SPAG16: variants seen among roughly 807,000 people sequenced by gnomAD.
SPAG16 encodes the protein sperm-associated antigen 16 protein.
SPAG16 carries 86 observed loss-of-function variants against 80.4 expected under a neutral mutation model. The observed-to-expected ratio is 1.07, with a 90% CI of 0.90 to 1.28. The LOEUF (loss-of-function observed/expected upper bound fraction) is 1.28. Among genes scored for constraint, SPAG16 ranks in the 50% most tolerant of loss-of-function variants. The pLI, the probability that SPAG16 is intolerant of heterozygous loss-of-function variation, is 0.00. For missense variants in SPAG16, 870 were observed against 765.3 expected (o/e 1.14, Z -1.61); for synonymous variants, 294 against 265.9 (o/e 1.11, Z -1.03).
At chr2:213,483,143 A>G (rs2073831387) in intron 9 of SPAG16, among the ~76,000 whole-genome samples, 1 of 152,138 alleles carries the variant, frequency 6.6e-6, no homozygotes, top group Non-Finnish European at 1.5e-5. Context: ...ATAACTAAAT[A>G]ATGTTTCATC....
chr2:214,329,718 T>C (rs926933804), intron 15 of SPAG16, among the ~76,000 whole-genome samples: 3 of 152,202 alleles, frequency 2.0e-5, no homozygotes, highest in African/African-American at 7.2e-5. Context: ...TTAGTTTCTG[T>C]TGAAGCCCTA....
intron 10 of SPAG16, among the ~76,000 whole-genome samples, chr2:213,828,625 T>C (rs567481294): frequency 6.6e-6 from 1 of 152,290 alleles, no homozygotes; most frequent in South Asian, 2.1e-4. Context: ...GTATTTATTA[T>C]CGTTTTCACA....
intron 10 of SPAG16, among the ~76,000 whole-genome samples, chr2:213,748,463 GA>G (rs552530581): frequency 3.3e-5 from 5 of 151,030 alleles, no homozygotes; most frequent in Admixed American, 6.6e-5. Context: ...TTATTAAGTT[GA>G]AAAAAAATGA....
At chr2:213,527,615 G>A (rs1374097675) in intron 10 of SPAG16, among the ~76,000 whole-genome samples, 1 of 152,078 alleles carries the variant, frequency 6.6e-6, no homozygotes, top group Non-Finnish European at 1.5e-5. Flanking sequence ...ATCAAATATG[G>A]CAGAGTGAAG....
intron 15 of SPAG16, among the ~76,000 whole-genome samples, chr2:214,298,899 ACT>A (rs1201538620): frequency 1.3e-5 from 2 of 152,136 alleles, no homozygotes. Flanking sequence ...TCAGGTAGTA[ACT>A]CTAAATATTT....
chr2:214,341,081 C>A (rs1458358720), intron 15 of SPAG16, among the ~76,000 whole-genome samples: 2 of 152,056 alleles, frequency 1.3e-5, no homozygotes, highest in African/African-American at 4.8e-5. Flanking sequence ...TGGTGTCCCC[C>A]AAAAAATTTT....
At chr2:213,965,067 C>T (rs1436105758) in intron 12 of SPAG16, among the ~76,000 whole-genome samples, 7 of 152,164 alleles carry the variant, frequency 4.6e-5, no homozygotes, top group Non-Finnish European at 8.8e-5. Context: ...ATTGATTCTC[C>T]TTCCCCTACC....
chr2:214,013,213 G>T (rs1004991374), intron 12 of SPAG16, among the ~76,000 whole-genome samples: 5 of 147,252 alleles, frequency 3.4e-5, no homozygotes, highest in Non-Finnish European at 3.0e-5. Flanking sequence ...GTAATTAATC[G>T]GTGCATTAAT....
rs551872959 is a variant in SPAG16, at chr2:213,832,100, T to A, written c.1071-30385T>A. ...CAACCTCCTTCCCCCCGGGTTCAAGTGGTTCTCCTGCCTCAGCCTCGTGAG... is the reference window on the plus strand; with the variant it reads ...CAACCTCCTTCCCCCCGGGTTCAAGAGGTTCTCCTGCCTCAGCCTCGTGAG... On this transcript the variant is annotated intron_variant, in intron 10 of 15. Coordinates refer to ENST00000331683, the MANE Select transcript of SPAG16 (RefSeq NM_024532.5). Among the ~76,000 whole-genome samples the A allele has an allele frequency of 7.2e-5, 11 of 152,102 alleles. 1 individual carries two copies. The South Asian group carries it at 2.3e-3, about 32-fold the overall frequency.
At chr2:213,863,918 C>T (rs568789883) in intron 11 of SPAG16, among the ~76,000 whole-genome samples, 18 of 152,176 alleles carry the variant, frequency 1.2e-4, no homozygotes, top group African/African-American at 3.9e-4. Context: ...CACTTTCTTA[C>T]GGCAGAATTG....
intron 15 of SPAG16, among the ~76,000 whole-genome samples, chr2:214,175,481 G>C (rs2057048654): frequency 3.3e-5 from 5 of 151,044 alleles, no homozygotes. Flanking sequence ...TTCCATTCAA[G>C]ATTTGAATTA....
At chr2:214,285,423 T>A (rs1347337262) in intron 15 of SPAG16, among the ~76,000 whole-genome samples, 1 of 152,176 alleles carries the variant, frequency 6.6e-6, no homozygotes, top group Admixed American at 6.5e-5. Flanking sequence ...TTTTTCCCAA[T>A]CCATGAGTTT....
rs1025616999 is a variant in SPAG16 at position 213,611,195 on chromosome 2, G to A, written c.1070+121105G>A. ...TTGTCCCTCCCACCTTAATAAATTT[G>A]TGTGCCATTTCTCCCATTAATTTCC... On this transcript the variant is annotated intron_variant, in intron 10 of 15. Coordinates refer to ENST00000331683, the MANE Select transcript of SPAG16 (RefSeq NM_024532.5). Among the ~76,000 whole-genome samples, 3 of 152,134 alleles carry A rather than the reference G, an allele frequency of 2.0e-5. No individual in the cohort carries two copies. The South Asian group carries it at 6.2e-4, about 31-fold the overall frequency.
intron 10 of SPAG16, among the ~76,000 whole-genome samples, chr2:213,594,373 G>A (rs2060813842): frequency 6.6e-6 from 1 of 152,130 alleles, no homozygotes; most frequent in Non-Finnish European, 1.5e-5. Flanking sequence ...GGTAGATAAG[G>A]TCCTCTGTGA....
Position 214,247,612 on chromosome 2 carries a change from T to G in SPAG16, c.1720+98346T>G, listed in dbSNP as rs951912794. Among the ~76,000 whole-genome samples the G allele has an allele frequency of 2.2e-4, 33 of 152,206 alleles. 1 individual carries two copies. Among genetic ancestry groups the G allele is most frequent in the Admixed American group, 2.0e-3 (30 of 15,280 alleles). On this transcript the variant is annotated intron_variant, in intron 15 of 15. Coordinates refer to ENST00000331683, the MANE Select transcript of SPAG16 (RefSeq NM_024532.5). ...ATAAAAGTTTATAGTTTGAGATGCTTCTTCTACTCCAAGGTCAACACACTC... is the reference window on the plus strand; with the variant it reads ...ATAAAAGTTTATAGTTTGAGATGCTGCTTCTACTCCAAGGTCAACACACTC...
chr2:213,912,137 C>T (rs1422294252), intron 11 of SPAG16, among the ~76,000 whole-genome samples: 1 of 151,812 alleles, frequency 6.6e-6, no homozygotes, highest in Admixed American at 6.6e-5. Context: ...ATTTGTTTTC[C>T]TTGCTTATTT....
intron 9 of SPAG16, among the ~76,000 whole-genome samples, chr2:213,376,512 C>G (rs971889796): frequency 1.3e-5 from 2 of 151,920 alleles, no homozygotes; most frequent in African/African-American, 4.8e-5. Context: ...GTGAATCCTT[C>G]TCACCTTCAC....
chr2:214,016,914 A>G (rs73987132), intron 13 of SPAG16, among the ~76,000 whole-genome samples: 11,423 of 152,232 alleles, frequency 0.075, 455 homozygotes, highest in South Asian at 0.11. Context: ...TATACAAAAC[A>G]TGATTGATAT....
intron 15 of SPAG16, among the ~76,000 whole-genome samples, chr2:214,402,751 AAAG>A (rs1701783942): frequency 6.6e-6 from 1 of 152,070 alleles, no homozygotes; most frequent in African/African-American, 2.4e-5. Flanking sequence ...AGAAGCTCTA[AAAG>A]AATAGGGCAG....
Sources: allele counts gnomAD v4.1 joint callset (sites outside exome capture counted in the v4.1 genomes callset), GRCh38; gene constraint gnomAD v4.1.1; transcripts MANE v1.5; gene names NCBI Gene and HGNC (gene_info 2026-07-23, HGNC 2026-07-21).